The following THSD7A variants were observed in gnomAD, a reference collection of about 807,000 sequenced individuals.
The protein encoded by THSD7A is thrombospondin type 1 domain containing 7A, also known as thrombospondin type-1 domain-containing protein 7A.
Under a neutral mutation model 231.3 loss-of-function variants are expected in THSD7A, and 96 were observed. The observed-to-expected ratio is 0.41, with a 90% CI of 0.35 to 0.49. The LOEUF (loss-of-function observed/expected upper bound fraction) is 0.49. Ranked by LOEUF, THSD7A falls within the 20% of genes least tolerant of loss-of-function variation. THSD7A has a pLI of 0.05. For missense variants in THSD7A, 2,290 were observed against 2,070.2 expected (o/e 1.11, Z -2.06); for synonymous variants, 940 against 743.3 (o/e 1.26, Z -4.30).
intron 7 of THSD7A, among the ~76,000 whole-genome samples, chr7:11,479,823 T>C (rs146973109): frequency 1.3e-5 from 2 of 152,180 alleles, no homozygotes; most frequent in African/African-American, 4.8e-5. Context: ...CAGAGGTAAA[T>C]AGCAGCAGAG....
At chr7:11,710,784 CT>C (rs1387678825) in intron 1 of THSD7A, among the ~76,000 whole-genome samples, 3 of 150,840 alleles carry the variant, frequency 2.0e-5, no homozygotes. Context: ...CTATCATGTA[CT>C]TTAGATCAGC....
chr7:11,707,601 G>C (rs1479786420), intron 1 of THSD7A, among the ~76,000 whole-genome samples: 1 of 150,914 alleles, frequency 6.6e-6, no homozygotes, highest in Non-Finnish European at 1.5e-5. Flanking sequence ...AAAACCATCA[G>C]AGAGTCTAAG....
At chr7:11,798,403 G>A (rs762442815) in intron 1 of THSD7A, among the ~76,000 whole-genome samples, 11 of 151,666 alleles carry the variant, frequency 7.3e-5, no homozygotes, top group East Asian at 3.9e-4. Context: ...CATGGGGAGC[G>A]TAGGTTGCAG....
At chr7:11,563,370 T>C (rs972339864) in intron 4 of THSD7A, among the ~76,000 whole-genome samples, 2 of 152,188 alleles carry the variant, frequency 1.3e-5, no homozygotes, top group African/African-American at 4.8e-5. Flanking sequence ...ATTTTATTTT[T>C]TATTTTTGAG....
chr7:11,415,915 A>G (rs556073434), intron 17 of THSD7A, among the ~76,000 whole-genome samples: 2 of 152,284 alleles, frequency 1.3e-5, no homozygotes, highest in Non-Finnish European at 2.9e-5. Context: ...TCTGTATGAC[A>G]CTTATCTTCT....
chr7:11,402,261 C>CAAAT (rs1245706070), intron 22 of THSD7A, among the ~76,000 whole-genome samples: 1 of 152,164 alleles, frequency 6.6e-6, no homozygotes, highest in Non-Finnish European at 1.5e-5. Flanking sequence ...TAGGATACAA[C>CAAAT]AAATATTTGA....
chr7:11,695,363 G>A (rs1482932818), intron 1 of THSD7A, among the ~76,000 whole-genome samples: 1 of 151,424 alleles, frequency 6.6e-6, no homozygotes, highest in Non-Finnish European at 1.5e-5. Flanking sequence ...CACCAAACAT[G>A]CATCACTCTC....
chr7:11,557,066 C>T (rs973156419), intron 4 of THSD7A, among the ~76,000 whole-genome samples: 16 of 151,674 alleles, frequency 1.1e-4, no homozygotes, highest in African/African-American at 2.9e-4. Flanking sequence ...AAGCTCTGCC[C>T]TCTTTCTCCT....
intron 1 of THSD7A, among the ~76,000 whole-genome samples, chr7:11,822,249 T>A (rs1028483364): frequency 2.0e-5 from 3 of 152,142 alleles, no homozygotes; most frequent in Non-Finnish European, 4.4e-5. Flanking sequence ...ATTCTCTACA[T>A]CTATGTGTAC....
At chr7:11,514,928 C>T (rs58658066) in intron 6 of THSD7A, among the ~76,000 whole-genome samples, 5 of 152,036 alleles carry the variant, frequency 3.3e-5, no homozygotes, top group Non-Finnish European at 2.9e-5. Context: ...ACAGTGCCTT[C>T]TGTTACTCCA....
chr7:11,550,017 C>T (rs769165885), intron 4 of THSD7A, among the ~76,000 whole-genome samples: 4 of 151,988 alleles, frequency 2.6e-5, no homozygotes, highest in Non-Finnish European at 5.9e-5. Flanking sequence ...AAATAAAAGG[C>T]ATCCAAATAG....
chr7:11,656,869 A>G (rs888342963), intron 1 of THSD7A, among the ~76,000 whole-genome samples: 1 of 151,870 alleles, frequency 6.6e-6, no homozygotes, highest in Non-Finnish European at 1.5e-5. Flanking sequence ...AATTGTTTTT[A>G]ATATAGAAAA....
At chr7:11,785,529 T>C (rs1024662530) in intron 1 of THSD7A, among the ~76,000 whole-genome samples, 6 of 152,154 alleles carry the variant, frequency 3.9e-5, no homozygotes, top group African/African-American at 1.4e-4. Flanking sequence ...TTACAGTGTG[T>C]GAAATATTTC....
At chr7:11,719,907 C>T (rs1781286987) in intron 1 of THSD7A, among the ~76,000 whole-genome samples, 1 of 151,694 alleles carries the variant, frequency 6.6e-6, no homozygotes, top group African/African-American at 2.4e-5. Context: ...AAAGGATGAA[C>T]CGTTCTACTT....
intron 2 of THSD7A, among the ~76,000 whole-genome samples, chr7:11,630,586 G>A (rs1781616866): frequency 6.6e-6 from 1 of 152,132 alleles, no homozygotes; most frequent in East Asian, 1.9e-4. Flanking sequence ...TCTTGGCTTA[G>A]CCAACAGAAA....
At chr7:11,485,589 G>A (rs1044337060) in intron 6 of THSD7A, among the ~76,000 whole-genome samples, 2 of 128,792 alleles carry the variant, frequency 1.6e-5, no homozygotes, top group Non-Finnish European at 3.4e-5. Flanking sequence ...AAAAGGTTAA[G>A]TTATCTTTCT....
intron 9 of THSD7A, among the ~76,000 whole-genome samples, chr7:11,464,069 C>T (rs2128299065): frequency 6.6e-6 from 1 of 152,242 alleles, no homozygotes; most frequent in South Asian, 2.1e-4. Flanking sequence ...CTCCCTCTTC[C>T]TTCTACCCCC....
intron 2 of THSD7A, among the ~76,000 whole-genome samples, chr7:11,609,565 TA>T (rs936073826): frequency 4.6e-5 from 7 of 152,130 alleles, no homozygotes; most frequent in African/African-American, 1.2e-4. Context: ...AAAGAATTCC[TA>T]AATATTATTG....
At chr7:11,530,723 C>T (rs549626179) in intron 6 of THSD7A, among the ~76,000 whole-genome samples, 1 of 152,234 alleles carries the variant, frequency 6.6e-6, no homozygotes, top group African/African-American at 2.4e-5. Flanking sequence ...CAGTAAAAAA[C>T]TTCTGCCCAG....
Sources: gnomAD v4.1 joint callset for allele counts (sites outside exome capture counted in the v4.1 genomes callset) on GRCh38, gnomAD v4.1.1 for gene constraint, MANE v1.5 for transcripts, NCBI Gene and HGNC (gene_info 2026-07-23, HGNC 2026-07-21) for gene names.